RHCE: variants seen among roughly 807,000 people sequenced by gnomAD.
RHCE encodes Rh blood group CcEe antigens.
RHCE carries 22 observed loss-of-function variants against 43.8 expected under a neutral mutation model. That is an observed-to-expected ratio of 0.50 (90% CI 0.36 to 0.72). The LOEUF (loss-of-function observed/expected upper bound fraction) is 0.72. Ranked by LOEUF, RHCE falls within the 30% of genes least tolerant of loss-of-function variation. The pLI, the probability that RHCE is intolerant of heterozygous loss-of-function variation, is 0.00. For synonymous variants in RHCE, 156 were observed against 210.7 expected, an observed-to-expected ratio of 0.74 and a Z score of 2.25; for missense variants, 385 against 525.4, an observed-to-expected ratio of 0.73 and a Z score of 2.61.
intron 8 of RHCE, among the ~76,000 whole-genome samples, chr1:25,371,566 T>C (rs1301482941): frequency 6.6e-6 from 1 of 151,076 alleles, no homozygotes; most frequent in East Asian, 1.9e-4. Context: ...AGAGACGGGG[T>C]TTAGCCATGT....
At chr1:25,370,335 T>C (rs1645570207) in intron 9 of RHCE, 132 bp downstream of exon 9, 1 of 742,154 alleles carries the variant, frequency 1.3e-6, no homozygotes, top group Non-Finnish European at 2.4e-6. Context: ...CTCCTCTAGT[T>C]CCTCCTGCAA....
chr1:25,385,552 C>T, intron 7 of RHCE, 159 bp downstream of exon 7: 3 of 1,132,402 alleles, frequency 2.6e-6, no homozygotes, highest in East Asian at 2.4e-5. Flanking sequence ...AAGGTAGGGG[C>T]TGGACATAAT....
chr1:25,393,984 T>G (rs911302375), intron 3 of RHCE, among the ~76,000 whole-genome samples: 20 of 150,306 alleles, frequency 1.3e-4, no homozygotes, highest in South Asian at 8.3e-4. Flanking sequence ...CTTTTTATTT[T>G]TATTTATTTA....
At chr1:25,383,227 A>G (rs2518080) in intron 7 of RHCE, among the ~76,000 whole-genome samples, 1 of 152,240 alleles carries the variant, frequency 6.6e-6, no homozygotes, top group Admixed American at 6.5e-5. Flanking sequence ...TTTGTGGGAA[A>G]TGCTCCATCC....
rs1333545265 is a variant in RHCE, at chr1:25,362,359, T to A, written c.*168A>T. 6.8e-7 allele frequency: 1 copy of A among 1,472,356 alleles called. No homozygotes were observed. Among genetic ancestry groups the A allele is most frequent in the African/African-American group, 1.4e-5 (1 of 70,286 alleles). The allele number at this position is 1,472,356 out of a possible 1,614,324, so 91.2% of individuals were successfully genotyped here. ...AAACTTATTAAATTGACTCTTAAAC[T>A]AAGTTTTTAGTCTTTAATTTTTTAA... On this transcript the variant is annotated 3_prime_UTR_variant, in exon 10 of 10. Coordinates refer to ENST00000294413, the MANE Select transcript of RHCE (RefSeq NM_020485.8).
intron 1 of RHCE, among the ~76,000 whole-genome samples, chr1:25,413,775 A>G (rs949401335): frequency 5.9e-5 from 9 of 152,178 alleles, no homozygotes; most frequent in African/African-American, 2.2e-4. Flanking sequence ...AGAGGGGGAA[A>G]GGGAGGCACA....
intron 1 of RHCE, among the ~76,000 whole-genome samples, chr1:25,410,988 A>T (rs1272296762): frequency 6.6e-6 from 1 of 152,004 alleles, no homozygotes; most frequent in African/African-American, 2.4e-5. Context: ...GCTACTCGGG[A>T]GGCTGAGGCA....
intron 3 of RHCE, among the ~76,000 whole-genome samples, chr1:25,397,111 CAAAAAAAAAA>C (rs151106139): frequency 1.7e-5 from 1 of 58,046 alleles, no homozygotes; most frequent in Non-Finnish European, 2.9e-5. Context: ...GACTCTGTCT[CAAAAAAAAAA>C]AAAAAAAAAA....
chr1:25,375,641 T>C (rs1645761610), intron 7 of RHCE, among the ~76,000 whole-genome samples: 1 of 147,378 alleles, frequency 6.8e-6, no homozygotes, highest in Admixed American at 6.7e-5. Context: ...TCCAAGATTG[T>C]GGCTTATTTT....
chr1:25,377,631 C>T (rs545874737), intron 7 of RHCE, among the ~76,000 whole-genome samples: 1 of 152,156 alleles, frequency 6.6e-6, no homozygotes, highest in Non-Finnish European at 1.5e-5. Context: ...CATGGTGGCT[C>T]ACACCTGTAA....
chr1:25,417,505 A>C (rs1005822079), intron 1 of RHCE, among the ~76,000 whole-genome samples: 1 of 152,234 alleles, frequency 6.6e-6, no homozygotes, highest in African/African-American at 2.4e-5. Context: ...TTCGAGATTT[A>C]AAAAATGTCG....
At chr1:25,372,537 T>A (rs187889287) in intron 8 of RHCE, among the ~76,000 whole-genome samples, 1 of 151,368 alleles carries the variant, frequency 6.6e-6, no homozygotes, top group African/African-American at 2.4e-5. Flanking sequence ...AAAAAAGAAT[T>A]TCTCTTCCTC....
intron 1 of RHCE, among the ~76,000 whole-genome samples, chr1:25,411,988 A>T (rs1207412358): frequency 6.6e-6 from 1 of 152,206 alleles, no homozygotes; most frequent in African/African-American, 2.4e-5. Flanking sequence ...CATTTTACAG[A>T]AGGGGACCAG....
rs895721315 is a variant in RHCE, at chr1:25,402,526, C to A, written c.486+70G>T. On this transcript the variant is annotated intron_variant, in intron 3 of 9. Transcript: ENST00000294413. ...CAGGTTGTCTTTATTTTTCAAAACC[C>A]CGGAAGCCCCACCAAATGGAGCTTT... The A allele has an allele frequency of 1.2e-5, 19 of 1,613,038 alleles. 1 individual carries two copies. The Admixed American group carries it at 2.2e-4, about 18-fold the overall frequency.
intron 5 of RHCE, among the ~76,000 whole-genome samples, chr1:25,390,184 T>C (rs1026329459): frequency 2.0e-5 from 3 of 152,114 alleles, no homozygotes; most frequent in Non-Finnish European, 2.9e-5. Flanking sequence ...ACACACACCA[T>C]TGTCTCTCTG....
chr1:25,405,338 A>G (rs1424634262), intron 2 of RHCE, among the ~76,000 whole-genome samples: 1 of 152,186 alleles, frequency 6.6e-6, no homozygotes, highest in East Asian at 1.9e-4. Flanking sequence ...AGCCTGGACA[A>G]CAGAGTGAGA....
chr1:25,402,555 C>A, intron 3 of RHCE, 41 bp downstream of exon 3: 1 of 1,612,176 alleles, frequency 6.2e-7, no homozygotes, highest in Non-Finnish European at 8.5e-7. Flanking sequence ...GAGCTTTTGG[C>A]CCTTTTCTCC....
intron 8 of RHCE, among the ~76,000 whole-genome samples, chr1:25,371,002 C>G (rs1425277799): frequency 6.7e-6 from 1 of 149,822 alleles, no homozygotes; most frequent in Non-Finnish European, 1.5e-5. Context: ...GTGATCCACC[C>G]ACCTCAGCCT....
intron 7 of RHCE, among the ~76,000 whole-genome samples, chr1:25,377,215 A>T (rs893967248): frequency 3.3e-5 from 5 of 152,270 alleles, no homozygotes; most frequent in African/African-American, 1.2e-4. Context: ...GATTTTTAGA[A>T]AAAAATTCAG....
Sources: gnomAD v4.1 joint callset for allele counts (sites outside exome capture counted in the v4.1 genomes callset) on GRCh38, gnomAD v4.1.1 for gene constraint, MANE v1.5 for transcripts, NCBI Gene and HGNC (gene_info 2026-07-23, HGNC 2026-07-21) for gene names.